Variants in NRXN3 observed in about 807,000 individuals in gnomAD.
NRXN3 encodes neurexin 3, also known as neurexin III.
In NRXN3, 32 loss-of-function variants were observed where a neutral mutation model predicts 137.6. The observed-to-expected ratio is 0.23, with a 90% CI of 0.18 to 0.31. The LOEUF is 0.31. NRXN3 is among the 10% of genes least tolerant of loss of function. NRXN3 has a pLI of 1.00. For missense variants in NRXN3, 1,574 were observed against 2,062.5 expected (o/e 0.76, Z 4.59); for synonymous variants, 798 against 784.5 (o/e 1.02, Z -0.29).
At chr14:78,292,410 T>G (rs2075890131) in intron 3 of NRXN3, among the ~76,000 whole-genome samples, 1 of 152,150 alleles carries the variant, frequency 6.6e-6, no homozygotes, top group Admixed American at 6.5e-5. Context: ...CTCTTATTCC[T>G]CTATGTACCC....
At chr14:79,836,428 C>T (rs2099343869) in intron 20 of NRXN3, among the ~76,000 whole-genome samples, 1 of 149,978 alleles carries the variant, frequency 6.7e-6, no homozygotes, top group Non-Finnish European at 1.5e-5. Context: ...CTTGTAGTAT[C>T]AAGCCTGGCT....
At chr14:79,179,415 A>AT (rs1346597748) in intron 15 of NRXN3, among the ~76,000 whole-genome samples, 1 of 152,174 alleles carries the variant, frequency 6.6e-6, no homozygotes, top group Non-Finnish European at 1.5e-5. Flanking sequence ...AGATATTATC[A>AT]TTTTTTAAAA....
At chr14:78,815,207 G>A (rs866634996) in intron 10 of NRXN3, among the ~76,000 whole-genome samples, 2 of 152,116 alleles carry the variant, frequency 1.3e-5, no homozygotes, top group African/African-American at 4.8e-5. Context: ...TAGACACAGA[G>A]GAGAAAGGAA....
intron 4 of NRXN3, among the ~76,000 whole-genome samples, chr14:78,347,637 C>T (rs2082931071): frequency 1.3e-5 from 2 of 152,154 alleles, no homozygotes; most frequent in Admixed American, 6.5e-5. Flanking sequence ...AGACCTGACC[C>T]TGTTGTGCCA....
chr14:79,485,498 C>T (rs2096647303), intron 16 of NRXN3, among the ~76,000 whole-genome samples: 1 of 152,092 alleles, frequency 6.6e-6, no homozygotes, highest in African/African-American at 2.4e-5. Context: ...GATCAAGGCC[C>T]CTGGAGTCAC....
At chr14:78,558,694 A>G (rs544521556) in intron 4 of NRXN3, among the ~76,000 whole-genome samples, 116 of 152,330 alleles carry the variant, frequency 7.6e-4, no homozygotes, top group African/African-American at 2.7e-3. Flanking sequence ...CCATAATCCA[A>G]TAAGCAGCTT....
chr14:79,244,893 C>T (rs1432720001), intron 15 of NRXN3, among the ~76,000 whole-genome samples: 1 of 152,052 alleles, frequency 6.6e-6, no homozygotes, highest in East Asian at 1.9e-4. Context: ...AACAAGAAGC[C>T]GATATCTGTT....
At chr14:79,678,364 A>C (rs945435308) in intron 17 of NRXN3, among the ~76,000 whole-genome samples, 4 of 152,202 alleles carry the variant, frequency 2.6e-5, no homozygotes, top group African/African-American at 9.6e-5. Flanking sequence ...TTCATTAAGC[A>C]TCCTTCTCTA....
At chr14:78,600,038 C>T (rs966535763) in intron 4 of NRXN3, among the ~76,000 whole-genome samples, 2 of 152,186 alleles carry the variant, frequency 1.3e-5, no homozygotes, top group Admixed American at 6.5e-5. Context: ...GGTTCAGCCA[C>T]GTGTCCCTTA....
intron 16 of NRXN3, among the ~76,000 whole-genome samples, chr14:79,622,753 C>T (rs1223477078): frequency 3.3e-5 from 5 of 152,018 alleles, no homozygotes; most frequent in Non-Finnish European, 5.9e-5. Flanking sequence ...TGTGACACCA[C>T]GCCCGGCTAA....
intron 10 of NRXN3, among the ~76,000 whole-genome samples, chr14:78,851,694 A>T (rs1188819258): frequency 6.6e-6 from 1 of 152,216 alleles, no homozygotes; most frequent in Non-Finnish European, 1.5e-5. Context: ...CATGTCACTC[A>T]GATGGAAGGA....
intron 19 of NRXN3, among the ~76,000 whole-genome samples, chr14:79,792,637 T>C (rs1048352299): frequency 6.6e-6 from 1 of 152,192 alleles, no homozygotes; most frequent in African/African-American, 2.4e-5. Context: ...AAATTAAAAA[T>C]ATTTTTCTGA....
At chr14:78,254,807 G>A (rs751487224) in intron 2 of NRXN3, among the ~76,000 whole-genome samples, 3 of 151,978 alleles carry the variant, frequency 2.0e-5, no homozygotes, top group Admixed American at 2.0e-4. Context: ...TAAAGATTTC[G>A]CTAAAAGGCC....
intron 15 of NRXN3, among the ~76,000 whole-genome samples, chr14:79,308,665 G>A (rs1251155733): frequency 2.0e-5 from 3 of 151,992 alleles, no homozygotes; most frequent in Non-Finnish European, 4.4e-5. Context: ...TTGATGTCTT[G>A]TGGAATGGTC....
intron 15 of NRXN3, among the ~76,000 whole-genome samples, chr14:79,445,297 G>A (rs993375833): frequency 3.3e-5 from 5 of 150,060 alleles, no homozygotes; most frequent in Non-Finnish European, 3.0e-5. Flanking sequence ...CCGAGATCAC[G>A]CCACTGCACT....
chr14:78,394,492 T>C (rs1041880730), intron 4 of NRXN3, among the ~76,000 whole-genome samples: 3 of 151,894 alleles, frequency 2.0e-5, no homozygotes, highest in Non-Finnish European at 4.4e-5. Context: ...TTGTTAAGGT[T>C]TTTTGTGTCT....
intron 15 of NRXN3, among the ~76,000 whole-genome samples, chr14:79,032,398 T>G (rs1297339714): frequency 6.6e-6 from 1 of 152,160 alleles, no homozygotes; most frequent in Non-Finnish European, 1.5e-5. Flanking sequence ...CTCAGCTGAT[T>G]AGGAATCTCA....
intron 19 of NRXN3, among the ~76,000 whole-genome samples, chr14:79,721,553 G>A (rs1241581211): frequency 4.6e-5 from 7 of 152,068 alleles, no homozygotes; most frequent in Non-Finnish European, 8.8e-5. Flanking sequence ...CAGAATCTAC[G>A]GGAATGATTA....
chr14:79,386,631 C>A (rs990246172), intron 15 of NRXN3, among the ~76,000 whole-genome samples: 3 of 151,896 alleles, frequency 2.0e-5, no homozygotes, highest in African/African-American at 7.3e-5. Flanking sequence ...CAAAAAGGAG[C>A]CCACATTGCC....
Sources: allele counts gnomAD v4.1 joint callset (sites outside exome capture counted in the v4.1 genomes callset), GRCh38; gene constraint gnomAD v4.1.1; transcripts MANE v1.5; gene names NCBI Gene and HGNC (gene_info 2026-07-23, HGNC 2026-07-21).